The following LINGO2 variants were observed in gnomAD, a reference collection of about 807,000 sequenced individuals.
LINGO2 encodes leucine rich repeat and Ig domain containing 2.
A neutral mutation model predicts 30.6 loss-of-function variants in LINGO2; 14 were observed. That is an observed-to-expected ratio of 0.46 (90% CI 0.30 to 0.72). LINGO2 has a LOEUF of 0.72. LINGO2 is among the 30% of genes least tolerant of loss of function. The pLI, the probability that LINGO2 is intolerant of heterozygous loss-of-function variation, is 0.07. For missense variants in LINGO2, 729 were observed against 751.7 expected (o/e 0.97, Z 0.35); for synonymous variants, 317 against 288.5 (o/e 1.10, Z -1.00).
the LINGO2 span, among the ~76,000 whole-genome samples, chr9:29,043,271 T>C: frequency 1.3e-5 from 2 of 151,902 alleles, no homozygotes; most frequent in Admixed American, 1.3e-4. Flanking sequence ...AGTGCTGACA[T>C]AGGAGTTAAG....
chr9:28,054,385 G>C (rs929873176), intron 4 of LINGO2, among the ~76,000 whole-genome samples: 1 of 152,108 alleles, frequency 6.6e-6, no homozygotes, highest in Non-Finnish European at 1.5e-5. Flanking sequence ...CGAAAGATCA[G>C]TAGTAGCTGA....
chr9:28,330,327 C>A (rs1825375396), intron 3 of LINGO2, among the ~76,000 whole-genome samples: 1 of 152,016 alleles, frequency 6.6e-6, no homozygotes, highest in South Asian at 2.1e-4. Context: ...TATGACAGCC[C>A]AAGCTAAGAC....
the LINGO2 span, among the ~76,000 whole-genome samples, chr9:28,675,909 A>G: frequency 1.1e-4 from 15 of 132,796 alleles, 1 homozygote; most frequent in African/African-American, 3.1e-4. Flanking sequence ...GTGTATGTAT[A>G]TATATATATA....
intron 2 of LINGO2, among the ~76,000 whole-genome samples, chr9:28,460,291 C>T (rs776924777): frequency 4.3e-4 from 66 of 152,104 alleles, no homozygotes; most frequent in Non-Finnish European, 7.6e-4. Context: ...ATCTCAGAGT[C>T]CTTTTAGGAT....
the LINGO2 span, among the ~76,000 whole-genome samples, chr9:28,792,780 T>C: frequency 1.3e-5 from 2 of 152,160 alleles, no homozygotes; most frequent in African/African-American, 2.4e-5. Context: ...TATGAAGATT[T>C]TGAGTGGCAG....
chr9:28,674,374 C>T (rs1003343127), upstream of LINGO2, among the ~76,000 whole-genome samples: 2 of 152,026 alleles, frequency 1.3e-5, no homozygotes, highest in South Asian at 2.1e-4. Flanking sequence ...ACGAAGGAAA[C>T]GATCTCCCTA....
At chr9:28,460,453 T>C (rs183933252) in intron 2 of LINGO2, among the ~76,000 whole-genome samples, 1 of 152,264 alleles carries the variant, frequency 6.6e-6, no homozygotes, top group East Asian at 1.9e-4. Flanking sequence ...AACTCAGCCT[T>C]GCAGTATAGG....
chr9:28,840,246 C>T, the LINGO2 span, among the ~76,000 whole-genome samples: 4 of 151,792 alleles, frequency 2.6e-5, no homozygotes, highest in African/African-American at 9.7e-5. Context: ...GTGGGTAGGG[C>T]TCCCACCTGT....
chr9:29,077,629 G>T, the LINGO2 span, among the ~76,000 whole-genome samples: 2 of 151,848 alleles, frequency 1.3e-5, no homozygotes, highest in Non-Finnish European at 2.9e-5. Flanking sequence ...TTTTAACAAA[G>T]ACACAAAAAT....
intron 4 of LINGO2, among the ~76,000 whole-genome samples, chr9:28,281,644 TAGTCTAGTGGGGAAGAGAAATAG>T (rs1473613611): frequency 3.3e-5 from 5 of 152,058 alleles, no homozygotes; most frequent in Non-Finnish European, 7.4e-5. Context: ...GATGTTTATA[TAGTCTAGTGGGGAAGAGAAATAG>T]AGATGTGGAT....
intron 1 of LINGO2, among the ~76,000 whole-genome samples, chr9:28,522,323 G>A (rs1332829667): frequency 6.6e-6 from 1 of 152,078 alleles, no homozygotes; most frequent in Admixed American, 6.6e-5. Flanking sequence ...AATGGCCAGA[G>A]GAAATCAAAG....
At chr9:28,271,134 C>G (rs964206572) in intron 4 of LINGO2, among the ~76,000 whole-genome samples, 9 of 150,946 alleles carry the variant, frequency 6.0e-5, no homozygotes, top group African/African-American at 2.2e-4. Context: ...TTCCCCCTTG[C>G]TCTGTATTTA....
the LINGO2 span, among the ~76,000 whole-genome samples, chr9:28,932,707 T>C: frequency 1.6e-4 from 24 of 152,238 alleles, no homozygotes; most frequent in East Asian, 4.1e-3. Context: ...CCTGGACTCA[T>C]TCTAATCTCC....
chr9:28,833,202 T>G, the LINGO2 span, among the ~76,000 whole-genome samples: 4 of 152,186 alleles, frequency 2.6e-5, no homozygotes, highest in African/African-American at 9.7e-5. Flanking sequence ...TAGGGTGGCC[T>G]TCAATACAGT....
chr9:28,024,599 T>C (rs1443185754), intron 4 of LINGO2, among the ~76,000 whole-genome samples: 2 of 152,202 alleles, frequency 1.3e-5, no homozygotes, highest in African/African-American at 2.4e-5. Context: ...AAGCCTCCTT[T>C]TGTAATACCT....
the LINGO2 span, among the ~76,000 whole-genome samples, chr9:28,884,370 G>GTTC: frequency 3.3e-5 from 5 of 152,096 alleles, no homozygotes; most frequent in Admixed American, 3.3e-4. Context: ...TCAGCAAACA[G>GTTC]TTCTTCTGAT....
At chr9:29,033,565 C>A in the LINGO2 span, among the ~76,000 whole-genome samples, 1 of 151,374 alleles carries the variant, frequency 6.6e-6, no homozygotes, top group South Asian at 2.1e-4. Flanking sequence ...GGGTTTAATT[C>A]CTGGTATTGG....
At chr9:28,516,973 AT>A (rs1820642174) in intron 1 of LINGO2, among the ~76,000 whole-genome samples, 1 of 152,198 alleles carries the variant, frequency 6.6e-6, no homozygotes, top group Non-Finnish European at 1.5e-5. Flanking sequence ...TCATGGGCAC[AT>A]TTTGTCAGCA....
intron 3 of LINGO2, among the ~76,000 whole-genome samples, chr9:28,345,517 A>C (rs986385232): frequency 6.6e-6 from 1 of 152,154 alleles, no homozygotes; most frequent in Non-Finnish European, 1.5e-5. Flanking sequence ...TAGTAATTGC[A>C]ATTGAACTTG....
Sources: gnomAD v4.1 joint callset for allele counts (sites outside exome capture counted in the v4.1 genomes callset) on GRCh38, gnomAD v4.1.1 for gene constraint, MANE v1.5 for transcripts, NCBI Gene and HGNC (gene_info 2026-07-23, HGNC 2026-07-21) for gene names.